PTH2R: variants seen among roughly 807,000 people sequenced by gnomAD.
PTH2R encodes parathyroid hormone 2 receptor, also known as PTH2 receptor.
PTH2R carries 59 observed loss-of-function variants against 60.3 expected under a neutral mutation model. That is an observed-to-expected ratio of 0.98 (90% CI 0.79 to 1.22). The LOEUF is 1.22. PTH2R is among the 50% of genes most tolerant of loss of function. The pLI, the probability that PTH2R is intolerant of heterozygous loss-of-function variation, is 0.00. For missense variants in PTH2R, 749 were observed against 682.6 expected (o/e 1.10, Z -1.08); for synonymous variants, 256 against 243.8 (o/e 1.05, Z -0.47).
intron 10 of PTH2R, among the ~76,000 whole-genome samples, chr2:208,485,440 A>C (rs1703250220): frequency 6.6e-6 from 1 of 152,152 alleles, no homozygotes; most frequent in Non-Finnish European, 1.5e-5. Flanking sequence ...GGGTATAAAA[A>C]CGTACAATGT....
intron 1 of PTH2R, among the ~76,000 whole-genome samples, chr2:208,368,574 G>A (rs750179590): frequency 1.3e-5 from 2 of 151,892 alleles, no homozygotes; most frequent in South Asian, 2.1e-4. Flanking sequence ...ACACCTGCTT[G>A]TTCCAATCTT....
At chr2:208,411,556 T>A (rs1028962111) in intron 1 of PTH2R, among the ~76,000 whole-genome samples, 4 of 152,202 alleles carry the variant, frequency 2.6e-5, no homozygotes, top group African/African-American at 9.6e-5. Flanking sequence ...GGTTTCATAT[T>A]CCCAGAACTT....
intron 1 of PTH2R, among the ~76,000 whole-genome samples, chr2:208,388,884 G>A (rs973595604): frequency 6.6e-6 from 1 of 152,144 alleles, no homozygotes; most frequent in Non-Finnish European, 1.5e-5. Flanking sequence ...TACAGCAGGG[G>A]AGAGAATACT....
chr2:208,362,630 A>G (rs779522863), intron 1 of PTH2R, among the ~76,000 whole-genome samples: 7 of 152,210 alleles, frequency 4.6e-5, no homozygotes, highest in Non-Finnish European at 7.3e-5. Flanking sequence ...TGCCGCTGTA[A>G]CCATGGGTAT....
chr2:208,397,005 C>A (rs1485634393), intron 1 of PTH2R, among the ~76,000 whole-genome samples: 5 of 152,010 alleles, frequency 3.3e-5, no homozygotes, highest in African/African-American at 4.8e-5. Context: ...TGTCCTTTGC[C>A]GGGACATGGA....
intron 1 of PTH2R, among the ~76,000 whole-genome samples, chr2:208,408,766 A>AGAGAGAGAGAGAGAGAGAGAGAGAGAGAG (rs58836876): frequency 2.7e-5 from 3 of 109,504 alleles, no homozygotes; most frequent in African/African-American, 1.4e-4. Context: ...GAGAGAGAGA[A>AGAGAGAGAGAGAGAGAGAGAGAGAGAGAG]ATAAATAATA....
intron 1 of PTH2R, among the ~76,000 whole-genome samples, chr2:208,366,416 A>G (rs1700594495): frequency 6.6e-6 from 1 of 152,166 alleles, no homozygotes; most frequent in Admixed American, 6.5e-5. Flanking sequence ...TGAAACTATA[A>G]TAGGCCCCCC....
chr2:208,404,763 G>A (rs1229414861), upstream of PTH2R, among the ~76,000 whole-genome samples: 1 of 152,082 alleles, frequency 6.6e-6, no homozygotes, highest in African/African-American at 2.4e-5. Context: ...ACCCCGAGAA[G>A]TACCCGTGTT....
At chr2:208,377,017 C>T (rs150756307) in intron 1 of PTH2R, among the ~76,000 whole-genome samples, 1,576 of 152,044 alleles carry the variant, frequency 0.01, 37 homozygotes, top group African/African-American at 0.037. Flanking sequence ...GAGGACCCTG[C>T]GGGCTTCCAC....
At chr2:208,459,729 CT>C (rs934772823) in intron 8 of PTH2R, among the ~76,000 whole-genome samples, 165 bp from the exon 9 acceptor site, 8 of 152,142 alleles carry the variant, frequency 5.3e-5, no homozygotes, top group African/African-American at 1.9e-4. Context: ...ACCCGTTACA[CT>C]TTTTCCCCCC....
chr2:208,476,662 G>C (rs989509776), intron 9 of PTH2R, among the ~76,000 whole-genome samples: 2 of 152,154 alleles, frequency 1.3e-5, no homozygotes, highest in Non-Finnish European at 2.9e-5. Context: ...CCAATACATG[G>C]GGTGAGCAGA....
chr2:208,369,319 C>T (rs1700649381), intron 1 of PTH2R, among the ~76,000 whole-genome samples: 1 of 151,010 alleles, frequency 6.6e-6, no homozygotes, highest in Non-Finnish European at 1.5e-5. Context: ...CTTGGTTGTT[C>T]ACAGGTTCCA....
At chr2:208,413,382 A>T (rs1048173121) in intron 1 of PTH2R, among the ~76,000 whole-genome samples, 1 of 152,218 alleles carries the variant, frequency 6.6e-6, no homozygotes, top group East Asian at 1.9e-4. Context: ...CCAAGAGCCA[A>T]CCTTACCAGA....
At chr2:208,485,431 G>C (rs1285295420) in intron 10 of PTH2R, among the ~76,000 whole-genome samples, 1 of 151,956 alleles carries the variant, frequency 6.6e-6, no homozygotes, top group Non-Finnish European at 1.5e-5. Context: ...AGAGAGCCAG[G>C]GTATAAAAAC....
At chr2:208,420,168 G>C (rs2105845551) in intron 1 of PTH2R, among the ~76,000 whole-genome samples, 1 of 152,094 alleles carries the variant, frequency 6.6e-6, no homozygotes, top group African/African-American at 2.4e-5. Flanking sequence ...ATAGCATTAG[G>C]AGATATACTT....
At chr2:208,417,003 G>A (rs1382453273) in intron 1 of PTH2R, among the ~76,000 whole-genome samples, 1 of 152,126 alleles carries the variant, frequency 6.6e-6, no homozygotes, top group Non-Finnish European at 1.5e-5. Context: ...TCCCTCTAGA[G>A]ATCCTTGACT....
intron 9 of PTH2R, among the ~76,000 whole-genome samples, chr2:208,466,998 AT>A (rs770025395): frequency 3.3e-5 from 5 of 151,374 alleles, no homozygotes; most frequent in African/African-American, 1.2e-4. Context: ...TTTTGTTCTT[AT>A]TTTTTTTGGA....
intron 9 of PTH2R, among the ~76,000 whole-genome samples, chr2:208,475,310 GT>G (rs1702976423): frequency 6.6e-6 from 1 of 151,786 alleles, no homozygotes; most frequent in East Asian, 1.9e-4. Context: ...TTCTTCCAGG[GT>G]CACCTTTCTT....
At chr2:208,476,643 A>G (rs2105901210) in intron 9 of PTH2R, among the ~76,000 whole-genome samples, 1 of 152,358 alleles carries the variant, frequency 6.6e-6, no homozygotes, top group South Asian at 2.1e-4. Flanking sequence ...TGTGATATTG[A>G]AAAATAAGCC....
Sources: allele counts gnomAD v4.1 joint callset (sites outside exome capture counted in the v4.1 genomes callset), GRCh38; gene constraint gnomAD v4.1.1; transcripts MANE v1.5; gene names NCBI Gene and HGNC (gene_info 2026-07-23, HGNC 2026-07-21).